Variants in JAKMIP2 observed in about 807,000 individuals in gnomAD.
The protein encoded by JAKMIP2 is janus kinase and microtubule interacting protein 2, also known as janus kinase and microtubule-interacting protein 2.
JAKMIP2 carries 25 observed loss-of-function variants against 115.0 expected under a neutral mutation model. The ratio of observed to expected loss-of-function variants is 0.22; its 90% confidence interval spans 0.16 to 0.30. The LOEUF is 0.30. JAKMIP2 is among the 10% of genes least tolerant of loss of function. The pLI is 1.00. For missense variants in JAKMIP2, 642 were observed against 957.6 expected (o/e 0.67, Z 4.35); for synonymous variants, 334 against 343.6 (o/e 0.97, Z 0.31).
At chr5:147,611,561 G>A (rs1227942982) in intron 20 of JAKMIP2, among the ~76,000 whole-genome samples, 6 of 152,194 alleles carry the variant, frequency 3.9e-5, no homozygotes, top group African/African-American at 7.2e-5. Context: ...ACCTCAGTTA[G>A]AAATGCAGAA....
chr5:147,627,742 T>C (rs1757168908), intron 16 of JAKMIP2, among the ~76,000 whole-genome samples: 1 of 146,210 alleles, frequency 6.8e-6, no homozygotes, highest in Admixed American at 6.9e-5. Context: ...AAATTAACAT[T>C]AATTACTTTT....
chr5:147,597,459 C>T (rs1755455575), intron 21 of JAKMIP2, among the ~76,000 whole-genome samples: 1 of 152,006 alleles, frequency 6.6e-6, no homozygotes, highest in African/African-American at 2.4e-5. Flanking sequence ...ACATATATCT[C>T]CAAATGCATG....
intron 13 of JAKMIP2, among the ~76,000 whole-genome samples, chr5:147,631,727 A>C (rs994710844): frequency 2.0e-5 from 3 of 152,214 alleles, no homozygotes; most frequent in Admixed American, 2.0e-4. Context: ...GGTGTCATCC[A>C]TTCTTCCAAA....
At chr5:147,738,303 C>T (rs1359724398) in intron 1 of JAKMIP2, among the ~76,000 whole-genome samples, 1 of 152,176 alleles carries the variant, frequency 6.6e-6, no homozygotes, top group African/African-American at 2.4e-5. Flanking sequence ...TAAGCCACAA[C>T]TTCTCTTCAA....
chr5:147,627,065 G>A (rs2126672484), intron 16 of JAKMIP2, among the ~76,000 whole-genome samples: 1 of 152,276 alleles, frequency 6.6e-6, no homozygotes, highest in Non-Finnish European at 1.5e-5. Flanking sequence ...CTGGACTAGT[G>A]TGAAAAGCTA....
At chr5:147,675,783 A>T (rs77647553) in intron 1 of JAKMIP2, among the ~76,000 whole-genome samples, 2,283 of 99,094 alleles carry the variant, frequency 0.023, 73 homozygotes, top group Non-Finnish European at 0.032. Flanking sequence ...ATCATATGAC[A>T]TTTTTTTTTT....
intron 1 of JAKMIP2, among the ~76,000 whole-genome samples, chr5:147,678,055 A>T (rs1368175761): frequency 6.6e-6 from 1 of 151,972 alleles, no homozygotes; most frequent in Non-Finnish European, 1.5e-5. Context: ...CCCAGGCTGG[A>T]GTGCAGTGGT....
intron 1 of JAKMIP2, among the ~76,000 whole-genome samples, chr5:147,745,643 A>C (rs1032460439): frequency 6.6e-6 from 1 of 152,170 alleles, no homozygotes; most frequent in African/African-American, 2.4e-5. Context: ...CTGAGCCTGC[A>C]AAGAATAGAC....
intron 1 of JAKMIP2, among the ~76,000 whole-genome samples, chr5:147,678,165 G>A (rs760869335): frequency 6.6e-6 from 1 of 151,988 alleles, no homozygotes; most frequent in South Asian, 2.1e-4. Flanking sequence ...CACCACTCTC[G>A]GCTAATTTTT....
chr5:147,779,909 T>C (rs1330826850), intron 1 of JAKMIP2, among the ~76,000 whole-genome samples: 1 of 152,190 alleles, frequency 6.6e-6, no homozygotes, highest in Non-Finnish European at 1.5e-5. Flanking sequence ...AGTTGACTAC[T>C]CACACTTACT....
intron 16 of JAKMIP2, among the ~76,000 whole-genome samples, chr5:147,627,525 G>A (rs1757151489): frequency 6.6e-6 from 1 of 152,002 alleles, no homozygotes; most frequent in African/African-American, 2.4e-5. Flanking sequence ...TAGAGATAAT[G>A]AGGCATTTGC....
chr5:147,673,609 G>A (rs1172124441), intron 1 of JAKMIP2, among the ~76,000 whole-genome samples: 1 of 152,184 alleles, frequency 6.6e-6, no homozygotes, highest in Non-Finnish European at 1.5e-5. Flanking sequence ...TGTGCTAGAT[G>A]CTGGAGTTGT....
intron 1 of JAKMIP2, among the ~76,000 whole-genome samples, chr5:147,709,874 C>G (rs1042253025): frequency 6.6e-6 from 1 of 151,968 alleles, no homozygotes; most frequent in South Asian, 2.1e-4. Flanking sequence ...AAAAAACAAT[C>G]GTCCTAGTCT....
chr5:147,720,407 T>C (rs1168858885), intron 1 of JAKMIP2, among the ~76,000 whole-genome samples: 2 of 149,232 alleles, frequency 1.3e-5, no homozygotes, highest in African/African-American at 2.5e-5. Context: ...CCTTGCTAGA[T>C]TGGGGAAGTT....
At chr5:147,669,017 T>C (rs1406250735) in intron 2 of JAKMIP2, among the ~76,000 whole-genome samples, 1 of 152,222 alleles carries the variant, frequency 6.6e-6, no homozygotes, top group Admixed American at 6.5e-5. Context: ...ACTGCCCCAT[T>C]ACCCCAAAGG....
chr5:147,688,982 T>G (rs1278617545), intron 1 of JAKMIP2, among the ~76,000 whole-genome samples: 1 of 152,156 alleles, frequency 6.6e-6, no homozygotes, highest in Admixed American at 6.5e-5. Context: ...TAATGTGTTA[T>G]GGGAAAAAAT....
intron 1 of JAKMIP2, among the ~76,000 whole-genome samples, chr5:147,771,289 T>G: frequency 6.6e-6 from 1 of 152,060 alleles, no homozygotes. Context: ...GACCTCAATA[T>G]GCCTTAGTTT....
intron 17 of JAKMIP2, 43 bp downstream of exon 17, chr5:147,623,578 G>C (rs1331178142): frequency 1.2e-5 from 16 of 1,313,458 alleles, no homozygotes; most frequent in Non-Finnish European, 1.8e-5. Context: ...CATTTGCCTT[G>C]TAAGTTTTTC....
chr5:147,621,037 T>C (rs1756823882), intron 17 of JAKMIP2, among the ~76,000 whole-genome samples: 1 of 152,232 alleles, frequency 6.6e-6, no homozygotes, highest in African/African-American at 2.4e-5. Context: ...TGTTTAATAA[T>C]AATAAGCCTA....
Sources: allele counts gnomAD v4.1 joint callset (sites outside exome capture counted in the v4.1 genomes callset), GRCh38; gene constraint gnomAD v4.1.1; transcripts MANE v1.5; gene names NCBI Gene and HGNC (gene_info 2026-07-23, HGNC 2026-07-21).